Variants in TARS1 observed in about 807,000 individuals in gnomAD.
The protein encoded by TARS1 is threonine--tRNA ligase 1, cytoplasmic.
In TARS1, 57 loss-of-function variants were observed where a neutral mutation model predicts 97.7. The observed-to-expected ratio is 0.58, with a 90% CI of 0.47 to 0.73. The LOEUF is 0.73. TARS1 is among the 30% of genes least tolerant of loss of function. The pLI is 0.00. For synonymous variants in TARS1, 312 were observed against 293.7 expected (o/e 1.06, Z -0.64); for missense variants, 806 against 888.3 (o/e 0.91, Z 1.18).
At position 33,462,099 on chromosome 5, in the gene TARS1, C is replaced by A. The variant is rs775988386; in HGVS notation, c.1731C>A (p.Ser577Arg). 6 of 1,610,702 alleles carry A rather than the reference C, an allele frequency of 3.7e-6. No homozygotes were observed. Among genetic ancestry groups the A allele is most frequent in the Non-Finnish European group, 5.1e-6 (6 of 1,178,974 alleles). ...LPIRFNLTYV[S>R]HDGDDKKRPV... The stretch of plus-strand genomic sequence containing the variant: ...AAAACAATTTTTTTTTTCTTTATAG[C>A]CATGATGGTGATGATAAGAAAAGGC... Residue 577 changes from serine to arginine, a missense_variant and splice_region_variant, in exon 16 of 19, where the codon AGC becomes AGA. Transcript: ENST00000265112.
chr5:33,457,157 T>C (rs1253735101), intron 8 of TARS1, 100 bp from the exon 9 acceptor site: 7 of 1,381,792 alleles, frequency 5.1e-6, no homozygotes, highest in Non-Finnish European at 6.9e-6. Flanking sequence ...TGCTGCAGAA[T>C]GAGTAACTAC....
upstream of TARS1, chr5:33,440,875 C>T: frequency 1.7e-6 from 1 of 574,158 alleles, no homozygotes; most frequent in Non-Finnish European, 3.1e-6. Context: ...AGATTTTCCA[C>T]TGGCTTAGAG....
intron 5 of TARS1, 35 bp from the exon 6 acceptor site, chr5:33,455,552 A>G (rs769449428): frequency 2.2e-6 from 3 of 1,394,158 alleles, no homozygotes; most frequent in East Asian, 2.3e-5. Flanking sequence ...TGTGATTCGA[A>G]TGGAATGAAA....
At position 33,456,036 on chromosome 5, in the gene TARS1, A is replaced by G; in HGVS notation, c.728A>G (p.Lys243Arg). Reference protein sequence around the residue: ...NKFKCRILNEKVNTPTTTVYR... With the variant: ...NKFKCRILNERVNTPTTTVYR... ...TTCAAATGCCGGATATTGAATGAAAAGGTGAATACTCCAACTACCACAGTC... is the reference window on the plus strand; with the variant it reads ...TTCAAATGCCGGATATTGAATGAAAGGGTGAATACTCCAACTACCACAGTC... Residue 243 changes from lysine (K) to arginine (R), a missense_variant, in exon 7 of 19, where the codon AAG (lysine) becomes AGG (arginine). Lys to Arg is a conservative substitution (Grantham distance 26, BLOSUM62 2). This residue lies in a region of TARS1 where 356 missense variants were observed against 357.8 expected (regional missense o/e 0.99). Coordinates refer to ENST00000265112, the MANE Select transcript of TARS1 (RefSeq NM_152295.5). 2 of 1,613,876 alleles carry G rather than the reference A, an allele frequency of 1.2e-6. No individual in the cohort carries two copies. The highest frequency in any genetic ancestry group is 1.7e-6 in the Non-Finnish European group (2 of 1,179,868).
At chr5:33,463,332 G>A (rs768528564) in intron 16 of TARS1, among the ~76,000 whole-genome samples, 1 of 152,290 alleles carries the variant, frequency 6.6e-6, no homozygotes, top group East Asian at 1.9e-4. Flanking sequence ...ATACAAAATG[G>A]ATGTTGAGTA....
intron 5 of TARS1, 129 bp downstream of exon 5, chr5:33,455,195 AG>A: frequency 8.4e-7 from 1 of 1,190,938 alleles, no homozygotes; most frequent in Non-Finnish European, 1.1e-6. Flanking sequence ...GCCCATTATC[AG>A]TACTTGAAGT....
At chr5:33,455,977 AAAT>A (rs779029303) in intron 6 of TARS1, 22 bp from the exon 7 acceptor site, 1 of 1,607,202 alleles carries the variant, frequency 6.2e-7, no homozygotes, top group South Asian at 1.1e-5. Context: ...CAGTTTTTTA[AAAT>A]AATAATTTTT....
At chr5:33,456,720 A>G (rs543162456) in intron 8 of TARS1, among the ~76,000 whole-genome samples, 1 of 152,130 alleles carries the variant, frequency 6.6e-6, no homozygotes, top group African/African-American at 2.4e-5. Flanking sequence ...ATGCCTTTGC[A>G]GGCAAAGTAA....
At position 33,461,272 on chromosome 5, in the gene TARS1, G is replaced by C. The variant is rs1368892669; in HGVS notation, c.1528G>C (p.Glu510Gln). 1 of 1,612,552 alleles carries C rather than the reference G, an allele frequency of 6.2e-7. No individual in the cohort carries two copies. Residue 510 changes from glutamate (E) to glutamine (Q), a missense_variant, in exon 13 of 19, where the codon GAA becomes CAA. Glu to Gln is a conservative substitution (Grantham distance 29). Around this residue, in one of 3 missense-constraint regions of TARS1, gnomAD observed 446 missense variants for 511.0 expected, o/e 0.87. Coordinates refer to ENST00000265112, the MANE Select transcript of TARS1 (RefSeq NM_152295.5). ...CCCGGAAAAATTCCTTGGAGATATCGAAGTATGGGATCAAGCTGAGAAAGT... is the reference window on the plus strand; with the variant it reads ...CCCGGAAAAATTCCTTGGAGATATCCAAGTATGGGATCAAGCTGAGAAAGT... ...TRPEKFLGDI[E>Q]VWDQAEKQLE...
rs1579597270 is a variant in TARS1 at position 33,468,073 on chromosome 5, A to G, written c.*365A>G. The G allele has an allele frequency of 1.1e-5, 2 of 177,690 alleles. No individual in the cohort carries two copies. The highest frequency in any genetic ancestry group is 2.4e-5 in the Non-Finnish European group (2 of 84,584). 11.0% of individuals were successfully genotyped at this position (177,690 alleles called of 1,614,324 possible). A position where few individuals can be genotyped will look rare whatever the true frequency, so the allele number is the denominator to read the frequency against. ...ATTGGATTATGGTGTAAAAATAAAA[A>G]AAAAATTTATTCACATAAGTTTCAA... On this transcript the variant is annotated 3_prime_UTR_variant, in exon 19 of 19. Coordinates refer to ENST00000265112, the MANE Select transcript of TARS1 (RefSeq NM_152295.5).
chr5:33,448,077 C>A (rs1741507826), intron 2 of TARS1, among the ~76,000 whole-genome samples: 2 of 152,182 alleles, frequency 1.3e-5, no homozygotes, highest in African/African-American at 2.4e-5. Context: ...TCAGTAAATA[C>A]TTTCCTTGAA....
chr5:33,443,554 G>A (rs1027709462), intron 1 of TARS1, among the ~76,000 whole-genome samples: 10 of 148,838 alleles, frequency 6.7e-5, no homozygotes, highest in Non-Finnish European at 1.5e-4. Context: ...GTGCAGTGGC[G>A]CGATCTCTGC....
chr5:33,446,393 G>A (rs1741415869), intron 2 of TARS1, among the ~76,000 whole-genome samples: 1 of 152,192 alleles, frequency 6.6e-6, no homozygotes, highest in African/African-American at 2.4e-5. Context: ...AAATGCATAT[G>A]TTCCCTAATT....
At chr5:33,452,508 C>T in intron 3 of TARS1, 1 of 1,205,982 alleles carries the variant, frequency 8.3e-7, no homozygotes, top group South Asian at 1.3e-5. Context: ...CTCAGAACTC[C>T]TGTAGCTTTT....
intron 1 of TARS1, among the ~76,000 whole-genome samples, chr5:33,443,132 C>G (rs569786143): frequency 6.6e-6 from 1 of 152,296 alleles, no homozygotes; most frequent in Non-Finnish European, 1.5e-5. Flanking sequence ...GTTGCCTACT[C>G]TCTTCCCAGT....
At chr5:33,460,851 C>T (rs1479239401) in intron 11 of TARS1, 51 bp from the exon 12 acceptor site, 5 of 1,601,978 alleles carry the variant, frequency 3.1e-6, no homozygotes, top group Non-Finnish European at 4.3e-6. Context: ...TATAGCATTA[C>T]AGAAGCAGTT....
Position 33,458,655 on chromosome 5 carries a change from A to G in TARS1, c.1074A>G (p.Glu358=). ...KGAYIYNALI[E]FIRSEYRKRG... is the part of the protein sequence containing the mutation. The stretch of plus-strand genomic sequence containing the variant: ...CCTACATTTATAATGCACTTATTGA[A>G]TTCATTAGGGTAAGTCATATTTATT... The change falls in exon 10 of 19, where the codon GAA becomes GAG. Residue 358 remains glutamate, a synonymous_variant. Transcript: ENST00000265112. The G allele has an allele frequency of 2.5e-6, 4 of 1,611,774 alleles. No individual in the cohort carries two copies. The highest frequency in any genetic ancestry group is 1.1e-5 in the South Asian group (1 of 90,834).
At chr5:33,446,603 C>A in intron 2 of TARS1, 2 of 1,178,486 alleles carry the variant, frequency 1.7e-6, no homozygotes, top group Non-Finnish European at 1.1e-6. Flanking sequence ...TCTTCCCCTC[C>A]AAGGGCAACT....
Position 33,467,680 on chromosome 5 carries a change from G to T in TARS1, c.2144G>T (p.Arg715Leu), listed in dbSNP as rs756077995. 5 of 1,612,516 alleles carry T rather than the reference G, an allele frequency of 3.1e-6. No individual in the cohort carries two copies. The highest frequency in any genetic ancestry group is 1.1e-5 in the South Asian group (1 of 90,738). ...CGGCTACAGCAGCTCAAAGAGTTCCGCAGCAAACAGGCAGAAGAAGAATTT... is the reference window on the plus strand; with the variant it reads ...CGGCTACAGCAGCTCAAAGAGTTCCTCAGCAAACAGGCAGAAGAAGAATTT... ...IERLQQLKEFRSKQAEEEF is the reference protein window; with the variant it reads ...IERLQQLKEFLSKQAEEEF The change falls in exon 19 of 19, where the codon CGC (arginine) becomes CTC (leucine). Residue 715 changes from arginine (R) to leucine (L), a missense_variant. Coordinates refer to ENST00000265112, the MANE Select transcript of TARS1 (RefSeq NM_152295.5).
Sources: gnomAD v4.1 joint callset for allele counts (sites outside exome capture counted in the v4.1 genomes callset) on GRCh38, gnomAD v4.1.1 for gene constraint, gnomAD v4.1.1 regional missense constraint, MANE v1.5 for transcripts, NCBI Gene and HGNC (gene_info 2026-07-23, HGNC 2026-07-21) for gene names.